LTBP1: variants seen among roughly 807,000 people sequenced by gnomAD.
LTBP1 encodes the protein latent transforming growth factor beta binding protein 1.
A neutral mutation model predicts 207.6 loss-of-function variants in LTBP1; 129 were observed. The observed-to-expected ratio is 0.62, with a 90% CI of 0.54 to 0.72. The LOEUF (loss-of-function observed/expected upper bound fraction) is 0.72. Ranked by LOEUF, LTBP1 falls within the 30% of genes least tolerant of loss-of-function variation. LTBP1 has a pLI of 0.00. For missense variants in LTBP1, 2,281 were observed against 2,217.2 expected (o/e 1.03, Z -0.58); for synonymous variants, 963 against 833.7 (o/e 1.16, Z -2.67).
At chr2:33,378,032 CATATTTATCTCAAAA>C (rs1300840747) in intron 31 of LTBP1, among the ~76,000 whole-genome samples, 1 of 152,214 alleles carries the variant, frequency 6.6e-6, no homozygotes. Flanking sequence ...AACAAGCAAT[CATATTTATCTCAAAA>C]GTAAAAGTCT....
In LTBP1 at chr2:32,947,566, C is replaced by T; in HGVS notation, c.242C>T (p.Ser81Leu). 2 of 1,344,468 alleles carry T rather than the reference C, an allele frequency of 1.5e-6. No individual in the cohort carries two copies. The highest frequency in any genetic ancestry group is 1.8e-5 in the South Asian group (1 of 55,086). 83.3% of individuals were successfully genotyped at this position (1,344,468 alleles called of 1,614,324 possible). A position where few individuals can be genotyped will look rare whatever the true frequency, so the allele number is the denominator to read the frequency against. ...AGCCGTGCCTCCCCCGGGGTCCCCTCGGAGAGGACCCGGCGCACGAGCAAG... is the reference window on the plus strand; with the variant it reads ...AGCCGTGCCTCCCCCGGGGTCCCCTTGGAGAGGACCCGGCGCACGAGCAAG... ...APSRASPGVP[S>L]ERTRRTSKPG... is the part of the protein sequence containing the mutation. The change falls in exon 1 of 34, where the codon TCG (serine) becomes TTG (leucine). Residue 81 changes from serine to leucine, a missense_variant. By Grantham distance (145) the Ser-to-Leu change is moderately radical. This residue lies in a region of LTBP1 where 555 missense variants were observed against 491.0 expected (regional missense o/e 1.13). Coordinates refer to ENST00000404816, the MANE Select transcript of LTBP1 (RefSeq NM_206943.4).
rs775948876 is a variant in LTBP1, at chr2:33,067,833, T to C, written c.864-42749T>C. On this transcript the variant is annotated intron_variant, in intron 3 of 33. Transcript: ENST00000404816. Reference sequence around the variant, plus strand: ...CAGGGGACAGCTGTACCAGCAGTGCTTTTGGACCACAATGCAAGTAGAAAG... The same window carrying C: ...CAGGGGACAGCTGTACCAGCAGTGCCTTTGGACCACAATGCAAGTAGAAAG... Among the ~76,000 whole-genome samples, 5 of 152,198 alleles carry C rather than the reference T, an allele frequency of 3.3e-5. No homozygotes were observed. In the East Asian group the frequency reaches 9.6e-4, roughly 29 times the overall value.
intron 5 of LTBP1, among the ~76,000 whole-genome samples, chr2:33,177,772 A>G (rs963586812): frequency 2.6e-5 from 4 of 152,208 alleles, no homozygotes; most frequent in African/African-American, 9.7e-5. Context: ...ACTAAAATCA[A>G]TCATTAAGGC....
chr2:33,365,272 C>A (rs2094971497), intron 30 of LTBP1, 61 bp from the exon 31 acceptor site: 2 of 1,461,404 alleles, frequency 1.4e-6, no homozygotes, highest in African/African-American at 1.4e-5. Context: ...TGGCTTCCAA[C>A]ACAGTGTTTA....
At chr2:33,397,695 T>G (rs1368886234) in intron 33 of LTBP1, among the ~76,000 whole-genome samples, 5 of 114,398 alleles carry the variant, frequency 4.4e-5, no homozygotes, top group South Asian at 2.7e-4. Flanking sequence ...TTTTTTTTTT[T>G]GTATTTTTAG....
chr2:33,333,315 A>G (rs1337690429), intron 24 of LTBP1, among the ~76,000 whole-genome samples: 1 of 151,878 alleles, frequency 6.6e-6, no homozygotes, highest in Non-Finnish European at 1.5e-5. Flanking sequence ...TAATTCAGTA[A>G]TTTATATTTT....
At chr2:33,177,992 T>C (rs1216054463) in intron 5 of LTBP1, among the ~76,000 whole-genome samples, 1 of 152,202 alleles carries the variant, frequency 6.6e-6, no homozygotes, top group African/African-American at 2.4e-5. Flanking sequence ...TGCAAGTGTT[T>C]CTGATGATCC....
chr2:33,249,907 C>T (rs1273957012), intron 10 of LTBP1, among the ~76,000 whole-genome samples: 1 of 152,176 alleles, frequency 6.6e-6, no homozygotes, highest in African/African-American at 2.4e-5. Flanking sequence ...TTTGGTATTT[C>T]TAGTTTTCTT....
chr2:33,163,968 T>C (rs77110027), intron 5 of LTBP1, among the ~76,000 whole-genome samples: 1 of 149,698 alleles, frequency 6.7e-6, no homozygotes, highest in Non-Finnish European at 1.5e-5. Flanking sequence ...TTGATTCTTA[T>C]TTTTTTTTTC....
intron 4 of LTBP1, among the ~76,000 whole-genome samples, chr2:33,120,965 A>G (rs2081074358): frequency 6.6e-6 from 1 of 152,242 alleles, no homozygotes; most frequent in Admixed American, 6.5e-5. Context: ...TTAGCATGGT[A>G]TGCAAGTCAG....
chr2:33,323,174 T>TA, intron 24 of LTBP1, among the ~76,000 whole-genome samples: 1 of 152,262 alleles, frequency 6.6e-6, no homozygotes. Context: ...TCAGAACACT[T>TA]ACACTAGCCT....
intron 11 of LTBP1, among the ~76,000 whole-genome samples, chr2:33,256,637 A>G (rs150514185): frequency 8.6e-4 from 129 of 149,980 alleles, no homozygotes; most frequent in Non-Finnish European, 1.5e-3. Flanking sequence ...AGTGTCTTCT[A>G]TATATAAAAT....
chr2:32,984,512 G>A (rs780705353), intron 2 of LTBP1, among the ~76,000 whole-genome samples: 3 of 152,176 alleles, frequency 2.0e-5, no homozygotes, highest in African/African-American at 7.2e-5. Flanking sequence ...GGGTCAGGAC[G>A]AGAGAACTGA....
At chr2:33,232,487 G>A (rs2091845234) in intron 9 of LTBP1, among the ~76,000 whole-genome samples, 1 of 152,128 alleles carries the variant, frequency 6.6e-6, no homozygotes, top group South Asian at 2.1e-4. Context: ...TGTACCTAAT[G>A]GAAATAAAGC....
Position 33,252,605 on chromosome 2 carries a change from T to C in LTBP1, c.2000-72T>C. ...TTTTAATTCATACCTTAGGGTTCAT[T>C]TTACTATCATTTGGAAAGCCAATGT... is the stretch of plus-strand genomic sequence containing the variant. On this transcript the variant is annotated intron_variant, in intron 10 of 33. Coordinates refer to ENST00000404816, the MANE Select transcript of LTBP1 (RefSeq NM_206943.4). 3 of 1,408,148 alleles carry C rather than the reference T, an allele frequency of 2.1e-6. No individual in the cohort carries two copies. The South Asian group carries it at 4.3e-5, about 20-fold the overall frequency. The allele number at this position is 1,408,148 out of a possible 1,614,324, so 87.2% of individuals were successfully genotyped here.
chr2:33,078,864 T>G (rs1402696514), intron 3 of LTBP1, among the ~76,000 whole-genome samples: 1 of 132,246 alleles, frequency 7.6e-6, no homozygotes, highest in African/African-American at 2.6e-5. Context: ...TTTCTTTTCT[T>G]TTTTTTTTTT....
chr2:33,303,841 C>T (rs766629906), intron 22 of LTBP1, among the ~76,000 whole-genome samples: 4 of 152,128 alleles, frequency 2.6e-5, no homozygotes, highest in South Asian at 2.1e-4. Flanking sequence ...GCCACGGACC[C>T]GTACCGGTCC....
At chr2:33,360,866 G>A in intron 27 of LTBP1, 87 bp downstream of exon 27, 2 of 1,231,600 alleles carry the variant, frequency 1.6e-6, no homozygotes, top group Admixed American at 1.9e-5. Flanking sequence ...CATTCCCACA[G>A]CCAACTCAAG....
intron 20 of LTBP1, among the ~76,000 whole-genome samples, chr2:33,295,400 G>A (rs537013822): frequency 9.9e-5 from 15 of 151,986 alleles, no homozygotes; most frequent in African/African-American, 3.1e-4. Flanking sequence ...GGTGGCATGC[G>A]CATGTAATCC....
Sources: allele counts gnomAD v4.1 joint callset (sites outside exome capture counted in the v4.1 genomes callset), GRCh38; gene constraint gnomAD v4.1.1; regional missense constraint gnomAD v4.1.1; transcripts MANE v1.5; gene names NCBI Gene and HGNC (gene_info 2026-07-23, HGNC 2026-07-21).